CALN1: variants seen among roughly 807,000 people sequenced by gnomAD.
CALN1 encodes calneuron 1.
CALN1 carries 17 observed loss-of-function variants against 30.6 expected under a neutral mutation model. The ratio of observed to expected loss-of-function variants is 0.56; its 90% CI spans 0.38 to 0.83. The LOEUF is 0.83. Among genes scored for constraint, CALN1 ranks in the 40% least tolerant of loss-of-function variants. CALN1 has a pLI of 0.00. For synonymous variants in CALN1, 156 were observed against 131.4 expected (o/e 1.19, Z -1.28); for missense variants, 291 against 354.9 (o/e 0.82, Z 1.45).
At chr7:72,011,673 T>G (rs1193048778) in intron 5 of CALN1, among the ~76,000 whole-genome samples, 1 of 152,178 alleles carries the variant, frequency 6.6e-6, no homozygotes, top group Non-Finnish European at 1.5e-5. Flanking sequence ...CATCTTTCCT[T>G]TCTCTCCTGT....
intron 5 of CALN1, among the ~76,000 whole-genome samples, chr7:71,962,813 G>C (rs1797314457): frequency 2.0e-5 from 3 of 152,106 alleles, no homozygotes. Context: ...GATCTGTCAG[G>C]AATTGCCAGG....
chr7:72,341,352 G>A (rs1401473422), intron 2 of CALN1, among the ~76,000 whole-genome samples: 3 of 152,146 alleles, frequency 2.0e-5, no homozygotes, highest in East Asian at 1.9e-4. Flanking sequence ...GTGAAACCAC[G>A]CCTCTACTAA....
chr7:72,313,774 C>T (rs1800226719), intron 2 of CALN1, among the ~76,000 whole-genome samples: 1 of 152,172 alleles, frequency 6.6e-6, no homozygotes, highest in African/African-American at 2.4e-5. Context: ...ATTTTCCCCT[C>T]TCTTTACCTA....
chr7:72,332,475 G>A (rs1801741705), intron 2 of CALN1, among the ~76,000 whole-genome samples: 1 of 151,794 alleles, frequency 6.6e-6, no homozygotes, highest in Non-Finnish European at 1.5e-5. Context: ...GTTTTAGCTG[G>A]TCCTCAATTT....
At position 71,837,243 on chromosome 7, in the gene CALN1, C is replaced by CAAAAAAAAAAAAAAAAAAA. The variant is rs55977265; in HGVS notation, c.502-26770_502-26752dup. On this transcript the variant is annotated intron_variant, in intron 5 of 6. Coordinates refer to ENST00000395275, the MANE Select transcript of CALN1 (RefSeq NM_031468.4). ...CGAAACTCCATCTCAAAAAAAAAGA[C>CAAAAAAAAAAAAAAAAAAA]AAAAAAAAAAAAAAAAAAAAAAGCC... Among the ~76,000 whole-genome samples the CAAAAAAAAAAAAAAAAAAA allele has an allele frequency of 1.1e-3, 83 of 78,984 alleles. 3 individuals carry two copies. Among genetic ancestry groups the CAAAAAAAAAAAAAAAAAAA allele is most frequent in the Middle Eastern group, 0.01 (1 of 96 alleles). 51.8% of individuals were successfully genotyped at this position (78,984 alleles called of 152,430 possible).
intron 5 of CALN1, among the ~76,000 whole-genome samples, chr7:71,852,307 T>C (rs568180912): frequency 1.3e-4 from 20 of 152,038 alleles, no homozygotes; most frequent in Admixed American, 7.9e-4. Context: ...AGGAGAAGAA[T>C]GTTTGGGTTA....
At chr7:72,323,703 G>GA (rs1418751418) in intron 2 of CALN1, among the ~76,000 whole-genome samples, 2 of 150,682 alleles carry the variant, frequency 1.3e-5, no homozygotes, top group African/African-American at 2.4e-5. Flanking sequence ...AAAAGAGAAA[G>GA]AAAAAAAGGG....
In CALN1 at chr7:71,881,678, C is replaced by T. The variant is rs1279138438; in HGVS notation, c.502-71186G>A. 3.9e-5 allele frequency among the ~76,000 whole-genome samples: 6 copies of T among 152,234 alleles called. No individual in the cohort carries two copies. In the East Asian group the frequency reaches 5.8e-4, roughly 15 times the overall value. ...AGGGTAAGGCTCTGCAAGGCTATCC[C>T]GGGCTCTCCATGATTTGACCTTTGT... On this transcript the variant is annotated intron_variant, in intron 5 of 6. Transcript: ENST00000395275.
chr7:72,117,254 C>T (rs1808051046), intron 3 of CALN1, among the ~76,000 whole-genome samples: 1 of 152,042 alleles, frequency 6.6e-6, no homozygotes, highest in African/African-American at 2.4e-5. Context: ...GAGTTTGAAG[C>T]TAAAGTGAGC....
At chr7:72,371,467 A>G (rs1472341646) in intron 2 of CALN1, among the ~76,000 whole-genome samples, 1 of 152,086 alleles carries the variant, frequency 6.6e-6, no homozygotes, top group East Asian at 1.9e-4. Flanking sequence ...ATGGTTTTAT[A>G]AAAGGATTTT....
rs1341766767 is a variant in CALN1, at chr7:71,787,140, A to C, written c.*635T>G. 3.9e-5 allele frequency: 6 copies of C among 152,776 alleles called. No individual in the cohort carries two copies. The highest frequency in any genetic ancestry group is 8.8e-5 in the Non-Finnish European group (6 of 68,162). The allele number at this position is 152,776 out of a possible 1,614,324, so 9.5% of individuals were successfully genotyped here. On this transcript the variant is annotated 3_prime_UTR_variant, in exon 7 of 7. Transcript: ENST00000395275. ...AAACTGAGAGCACCCCAGCTCTACC[A>C]ATGGCAGTCCTCTAGAAAAGGCAGT...
chr7:72,118,923 T>A (rs1049228108), intron 3 of CALN1, among the ~76,000 whole-genome samples: 1 of 152,164 alleles, frequency 6.6e-6, no homozygotes, highest in Non-Finnish European at 1.5e-5. Flanking sequence ...CAAAAAAGCA[T>A]GAAAAACTGT....
chr7:72,053,890 T>C (rs1584839772), intron 4 of CALN1, among the ~76,000 whole-genome samples: 1 of 151,712 alleles, frequency 6.6e-6, no homozygotes, highest in African/African-American at 2.4e-5. Flanking sequence ...CATACGATGC[T>C]TAGTCTTCCA....
intron 5 of CALN1, among the ~76,000 whole-genome samples, chr7:71,915,246 A>G (rs1794628789): frequency 6.6e-6 from 1 of 152,184 alleles, no homozygotes; most frequent in Non-Finnish European, 1.5e-5. Flanking sequence ...TCTCAACCAC[A>G]CTTGCAATGA....
chr7:72,128,119 T>C (rs1388064030), intron 3 of CALN1, among the ~76,000 whole-genome samples: 1 of 152,122 alleles, frequency 6.6e-6, no homozygotes, highest in African/African-American at 2.4e-5. Flanking sequence ...AGCAATTCCA[T>C]TGTAGGAATT....
intron 2 of CALN1, among the ~76,000 whole-genome samples, chr7:72,327,154 T>C (rs1293397994): frequency 6.6e-6 from 1 of 152,176 alleles, no homozygotes; most frequent in African/African-American, 2.4e-5. Context: ...ACTTGGGCTT[T>C]ATGTGAACAT....
At chr7:72,023,867 A>G in intron 4 of CALN1, 98 bp from the exon 5 acceptor site, 1 of 740,696 alleles carries the variant, frequency 1.4e-6, no homozygotes. Flanking sequence ...TCTTGGCATG[A>G]CCTCAATCAA....
intron 2 of CALN1, among the ~76,000 whole-genome samples, chr7:72,291,763 C>T (rs913496828): frequency 1.3e-5 from 2 of 152,124 alleles, no homozygotes; most frequent in Admixed American, 1.3e-4. Flanking sequence ...CAGGCATGTA[C>T]CACAATGCCC....
the CALN1 span, among the ~76,000 whole-genome samples, chr7:72,487,515 G>A: frequency 2.6e-5 from 4 of 151,200 alleles, no homozygotes; most frequent in Admixed American, 6.6e-5. Flanking sequence ...GTGACACCCC[G>A]TCTCTACTGA....
Sources: allele counts gnomAD v4.1 joint callset (sites outside exome capture counted in the v4.1 genomes callset), GRCh38; gene constraint gnomAD v4.1.1; transcripts MANE v1.5; gene names NCBI Gene and HGNC (gene_info 2026-07-23, HGNC 2026-07-21).